SHANK2: variants seen among roughly 807,000 people sequenced by gnomAD.
SHANK2 encodes SH3 and multiple ankyrin repeat domains 2.
A neutral mutation model predicts 133.7 loss-of-function variants in SHANK2; 43 were observed. The observed-to-expected ratio is 0.32, with a 90% confidence interval of 0.25 to 0.41. The LOEUF is 0.41. Among genes scored for constraint, SHANK2 ranks in the 10% least tolerant of loss-of-function variants. SHANK2 has a pLI of 1.00. For synonymous variants in SHANK2, 1,017 were observed against 952.8 expected (o/e 1.07, Z -1.24); for missense variants, 1,994 against 2,235.8 (o/e 0.89, Z 2.18).
chr11:70,759,132 T>A (rs1946934747), intron 14 of SHANK2, among the ~76,000 whole-genome samples: 1 of 150,946 alleles, frequency 6.6e-6, no homozygotes, highest in African/African-American at 2.4e-5. Context: ...GCCACTGCAC[T>A]CCAGCCTGGG....
chr11:71,176,092 T>C (rs2135528958), intron 2 of SHANK2, among the ~76,000 whole-genome samples: 1 of 152,312 alleles, frequency 6.6e-6, no homozygotes, highest in South Asian at 2.1e-4. Context: ...TCTGTTCCCA[T>C]CTCACCATTC....
In SHANK2 at chr11:71,184,759, C is replaced by T. The variant is rs148096313; in HGVS notation, c.-12-37421G>A. 7.5e-3 allele frequency among the ~76,000 whole-genome samples: 1,140 copies of T among 152,284 alleles called. 6 individuals are homozygous for T. Among genetic ancestry groups the T allele is most frequent in the South Asian group, 0.018 (87 of 4,822 alleles). On this transcript the variant is annotated intron_variant, in intron 2 of 25. Transcript: ENST00000601538. ...GGCCACACATTCTGGCAAGTCACGG[C>T]GGCTGATTGAACATTCTGGGTCAGC...
intron 17 of SHANK2, among the ~76,000 whole-genome samples, chr11:70,623,177 A>AT (rs199575254): frequency 0.07 from 10,507 of 150,208 alleles, 435 homozygotes; most frequent in South Asian, 0.08. Flanking sequence ...TTTCGTCTCA[A>AT]TCAAAAAAAA....
rs12225618 is a variant in SHANK2, at chr11:70,516,256, G to A, written c.2062-13325C>T. 2.0e-5 allele frequency among the ~76,000 whole-genome samples: 3 copies of A among 152,210 alleles called. No homozygotes were observed. The South Asian group carries it at 6.2e-4, about 32-fold the overall frequency. ...ATACAGCTACAGTAATCAAGGCAGC[G>A]GGGTACTGGTGAAAGAACAGACAAA... On this transcript the variant is annotated intron_variant, in intron 17 of 25. Transcript: ENST00000601538.
chr11:70,482,814 A>G (rs1391663657), intron 25 of SHANK2, among the ~76,000 whole-genome samples: 1 of 152,196 alleles, frequency 6.6e-6, no homozygotes, highest in African/African-American at 2.4e-5. Context: ...TGCCCTATGA[A>G]GTCTGCTTTG....
At chr11:70,531,444 CTT>C (rs1332524836) in intron 17 of SHANK2, among the ~76,000 whole-genome samples, 6 of 152,208 alleles carry the variant, frequency 3.9e-5, no homozygotes, top group African/African-American at 1.4e-4. Flanking sequence ...CTGGGGTTTT[CTT>C]TGTCCCACAC....
chr11:70,580,065 C>T (rs914620400), intron 17 of SHANK2, among the ~76,000 whole-genome samples: 5 of 152,316 alleles, frequency 3.3e-5, no homozygotes, highest in Middle Eastern at 3.4e-3. Flanking sequence ...ATAATAAACA[C>T]GTGTTGCTGG....
At position 70,502,747 on chromosome 11, in the gene SHANK2, C is replaced by G. The variant is rs782423229; in HGVS notation, c.2197+49G>C. Reference sequence around the variant, plus strand: ...AGCTGTCCTGCCCGCCCCCACCCCCCCCCCCCAGTAGGGCCCCAGGCTGGA... The same window carrying G: ...AGCTGTCCTGCCCGCCCCCACCCCCGCCCCCCAGTAGGGCCCCAGGCTGGA... On this transcript the variant is annotated intron_variant, in intron 18 of 25. Coordinates refer to ENST00000601538, the MANE Select transcript of SHANK2 (RefSeq NM_012309.5). 309 of 907,612 alleles carry G rather than the reference C, an allele frequency of 3.4e-4. 11 individuals carry two copies. The highest frequency in any genetic ancestry group is 4.4e-4 in the Non-Finnish European group (282 of 642,408). 56.2% of individuals were successfully genotyped at this position (907,612 alleles called of 1,614,324 possible). A position where few individuals can be genotyped will look rare whatever the true frequency, so the allele number is the denominator to read the frequency against.
At chr11:70,712,231 C>T (rs782238770) in intron 14 of SHANK2, among the ~76,000 whole-genome samples, 1 of 152,242 alleles carries the variant, frequency 6.6e-6, no homozygotes, top group Non-Finnish European at 1.5e-5. Context: ...CCCTCTGACT[C>T]TCAGCCCTAT....
At chr11:71,234,525 C>T (rs1555123422) in intron 1 of SHANK2, among the ~76,000 whole-genome samples, 1 of 152,112 alleles carries the variant, frequency 6.6e-6, no homozygotes, top group Non-Finnish European at 1.5e-5. Flanking sequence ...GGAAATGCCC[C>T]CCGCCCCAGA....
chr11:70,746,525 C>T (rs782569686), intron 14 of SHANK2, among the ~76,000 whole-genome samples: 5 of 148,196 alleles, frequency 3.4e-5, no homozygotes, highest in Non-Finnish European at 5.9e-5. Context: ...GCTCACAGCA[C>T]GCATCTCCTC....
At chr11:70,908,512 T>C (rs1352737020) in intron 10 of SHANK2, among the ~76,000 whole-genome samples, 1 of 152,234 alleles carries the variant, frequency 6.6e-6, no homozygotes, top group Non-Finnish European at 1.5e-5. Context: ...GATTTTGCCA[T>C]GACTGCAGCT....
At chr11:71,095,787 C>A (rs1389227185) in intron 6 of SHANK2, among the ~76,000 whole-genome samples, 1 of 152,254 alleles carries the variant, frequency 6.6e-6, no homozygotes, top group East Asian at 1.9e-4. Flanking sequence ...AACCACTCTG[C>A]AGCTTGGCAC....
intron 17 of SHANK2, among the ~76,000 whole-genome samples, chr11:70,563,337 A>G (rs894534100): frequency 2.0e-4 from 30 of 152,112 alleles, no homozygotes; most frequent in African/African-American, 6.3e-4. Flanking sequence ...AGAACTTACA[A>G]CAGTACACTT....
intron 15 of SHANK2, among the ~76,000 whole-genome samples, chr11:70,664,301 G>A (rs1445959415): frequency 6.6e-6 from 1 of 152,176 alleles, no homozygotes; most frequent in Non-Finnish European, 1.5e-5. Flanking sequence ...CCGGCCCCAT[G>A]GCTCACTCAC....
At chr11:71,113,059 C>A (rs1951915508) in intron 5 of SHANK2, among the ~76,000 whole-genome samples, 2 of 152,168 alleles carry the variant, frequency 1.3e-5, no homozygotes, top group Non-Finnish European at 2.9e-5. Context: ...GTAGGATCTG[C>A]CTCCCTTCCC....
chr11:70,782,272 G>T (rs562260838), intron 14 of SHANK2, among the ~76,000 whole-genome samples: 1 of 152,364 alleles, frequency 6.6e-6, no homozygotes, highest in African/African-American at 2.4e-5. Flanking sequence ...GGCCAGGCTG[G>T]TCTTAAATTC....
chr11:70,736,825 C>A (rs1332105812), intron 14 of SHANK2, among the ~76,000 whole-genome samples: 1 of 152,162 alleles, frequency 6.6e-6, no homozygotes, highest in East Asian at 1.9e-4. Context: ...AAGGACAGCA[C>A]CATCTCCCTG....
intron 17 of SHANK2, among the ~76,000 whole-genome samples, chr11:70,601,015 ATATATCTATATCTATATCTATATC>A (rs56326812): frequency 3.3e-4 from 42 of 128,378 alleles, no homozygotes; most frequent in Non-Finnish European, 5.2e-4. Context: ...AGTAAAGAGA[ATATATCTATATCTATATCTATATC>A]TATATCTATA....
Sources: allele counts gnomAD v4.1 joint callset (sites outside exome capture counted in the v4.1 genomes callset), GRCh38; gene constraint gnomAD v4.1.1; transcripts MANE v1.5; gene names NCBI Gene and HGNC (gene_info 2026-07-23, HGNC 2026-07-21).